SATL1: variants seen among roughly 807,000 people sequenced by gnomAD.
SATL1 encodes spermidine/spermine N(1)-acetyltransferase-like protein 1.
SATL1 carries 47 observed loss-of-function variants against 51.8 expected under a neutral mutation model. The observed-to-expected ratio is 0.91, with a 90% confidence interval of 0.72 to 1.16. The LOEUF is 1.16. Among genes scored for constraint, SATL1 ranks in the 50% most tolerant of loss-of-function variants. The pLI is 0.00. For synonymous variants in SATL1, 176 were observed against 182.4 expected, an observed-to-expected ratio of 0.97 and a Z score of 0.28; for missense variants, 520 against 526.4, an observed-to-expected ratio of 0.99 and a Z score of 0.12.
intron 2 of SATL1, among the ~76,000 whole-genome samples, chrX:85,134,977 T>C (rs1925913464): frequency 8.9e-6 from 1 of 112,024 alleles, no homozygotes; most frequent in Non-Finnish European, 1.9e-5. Context: ...AGATAACCCA[T>C]GGAATACTAT....
intron 2 of SATL1, among the ~76,000 whole-genome samples, chrX:85,145,260 G>A (rs1926205564): frequency 9.0e-6 from 1 of 110,999 alleles, no homozygotes; most frequent in African/African-American, 3.3e-5. Flanking sequence ...CTATCTTTGG[G>A]TACTGTGCAT....
intron 2 of SATL1, among the ~76,000 whole-genome samples, chrX:85,198,143 GT>G (rs777972908): frequency 1.8e-3 from 206 of 111,647 alleles, no homozygotes; most frequent in African/African-American, 6.3e-3. Context: ...TTTCGTCTGT[GT>G]TTTTGTGCAT....
At chrX:85,150,618 T>C in intron 2 of SATL1, among the ~76,000 whole-genome samples, 1 of 111,632 alleles carries the variant, frequency 9.0e-6, no homozygotes. Flanking sequence ...TTATCCACCA[T>C]GATCAAGTGG....
chrX:85,221,514 TCTTCACTTA>T (rs1389042977), intron 2 of SATL1, among the ~76,000 whole-genome samples: 2 of 112,016 alleles, frequency 1.8e-5, no homozygotes, highest in African/African-American at 3.2e-5. Flanking sequence ...TTTTCCAATT[TCTTCACTTA>T]CTTCACTTAC....
intron 2 of SATL1, among the ~76,000 whole-genome samples, chrX:85,162,672 G>A (rs1326745678): frequency 9.0e-6 from 1 of 111,353 alleles, no homozygotes; most frequent in Non-Finnish European, 1.9e-5. Flanking sequence ...TACTGGCTGT[G>A]GGTTTGTCAT....
chrX:85,219,617 T>A (rs1376555870), intron 2 of SATL1: 1 of 112,281 alleles, frequency 8.9e-6, no homozygotes, highest in South Asian at 3.7e-4. Context: ...CAGAAAAGCA[T>A]CATATCTAAA....
intron 5 of SATL1, 147 bp downstream of exon 5, chrX:85,094,769 G>T: frequency 2.3e-6 from 1 of 434,054 alleles, no homozygotes; most frequent in South Asian, 4.2e-5. Flanking sequence ...ACAAACATAA[G>T]TACATACCAT....
intron 2 of SATL1, among the ~76,000 whole-genome samples, chrX:85,112,250 G>T (rs981003364): frequency 9.0e-6 from 1 of 111,105 alleles, no homozygotes; most frequent in Non-Finnish European, 1.9e-5. Flanking sequence ...TACTCAGGAG[G>T]CTGAGGCAAG....
chrX:85,238,628 AT>A (rs1262499282), intron 1 of SATL1, among the ~76,000 whole-genome samples: 2 of 111,675 alleles, frequency 1.8e-5, no homozygotes, highest in African/African-American at 6.5e-5. Context: ...GTTCAATAGA[AT>A]GAAAAAGAGC....
intron 2 of SATL1, among the ~76,000 whole-genome samples, chrX:85,141,791 A>G (rs1926113397): frequency 9.1e-6 from 1 of 109,703 alleles, no homozygotes; most frequent in Non-Finnish European, 1.9e-5. Context: ...GAGGGAATTC[A>G]TGTGGAGCTT....
chrX:85,181,058 C>T (rs977486753), intron 2 of SATL1, among the ~76,000 whole-genome samples: 1 of 107,936 alleles, frequency 9.3e-6, no homozygotes, highest in Non-Finnish European at 1.9e-5. Flanking sequence ...GATAAAAAAC[C>T]TCAACCTGAA....
intron 2 of SATL1, among the ~76,000 whole-genome samples, chrX:85,202,990 G>T (rs2147751445): frequency 9.0e-6 from 1 of 111,696 alleles, no homozygotes; most frequent in Non-Finnish European, 1.9e-5. Context: ...GGTGGCTGCA[G>T]GTCCAGGCCT....
chrX:85,128,453 A>C (rs1236547805), intron 2 of SATL1, among the ~76,000 whole-genome samples: 23 of 112,244 alleles, frequency 2.0e-4, no homozygotes, highest in Non-Finnish European at 3.8e-4. Flanking sequence ...TTCTTTTGAA[A>C]AGTGTCTGTT....
intron 1 of SATL1, among the ~76,000 whole-genome samples, chrX:85,225,741 T>C (rs1227944566): frequency 9.0e-6 from 1 of 111,724 alleles, no homozygotes; most frequent in Admixed American, 9.5e-5. Flanking sequence ...AAGAAATATC[T>C]CTTTTTCTCT....
intron 2 of SATL1, among the ~76,000 whole-genome samples, chrX:85,140,947 T>C (rs531679464): frequency 8.9e-6 from 1 of 111,847 alleles, no homozygotes; most frequent in South Asian, 3.7e-4. Context: ...AGTCTTAAGT[T>C]AGGCAGTCCC....
At chrX:85,092,922 C>A in intron 7 of SATL1, 1 of 325,178 alleles carries the variant, frequency 3.1e-6, no homozygotes, top group Non-Finnish European at 5.4e-6. Flanking sequence ...GCTTTCTAAT[C>A]TCCCTCCTTC....
chrX:85,184,440 C>T (rs1927271333), intron 2 of SATL1, among the ~76,000 whole-genome samples: 1 of 111,540 alleles, frequency 9.0e-6, no homozygotes, highest in Non-Finnish European at 1.9e-5. Context: ...TCTCTACCTC[C>T]TCTTTAAGGC....
rs1198634095 is a variant in SATL1 at position 85,131,475 on chromosome X, CT to C, written c.-312-22196del. On this transcript the variant is annotated intron_variant, in intron 2 of 7. Coordinates refer to ENST00000644105, the MANE Select transcript of SATL1 (RefSeq NM_001367857.2). ...TCAGAGACTAGGATTGCAACCTCTG[CT>C]TTTTTTTTTCTTTCCATTTGCTTGG... 1.5e-3 allele frequency among the ~76,000 whole-genome samples: 162 copies of C among 106,755 alleles called. 1 individual carries two copies. The highest frequency in any genetic ancestry group is 5.0e-3 in the Admixed American group (50 of 9,915). 92.7% of individuals were successfully genotyped at this position (106,755 alleles called of 115,157 possible).
intron 2 of SATL1, chrX:85,143,473 G>T (rs1349216673): frequency 4.5e-5 from 5 of 110,608 alleles, no homozygotes; most frequent in Non-Finnish European, 7.6e-5. Context: ...TTCATCTCTT[G>T]GTGTTTTCTG....
Sources: allele counts gnomAD v4.1 joint callset (sites outside exome capture counted in the v4.1 genomes callset), GRCh38; gene constraint gnomAD v4.1.1; transcripts MANE v1.5; gene names NCBI Gene and HGNC (gene_info 2026-07-23, HGNC 2026-07-21).